The following RAP1GAP2 variants were observed in gnomAD, a reference collection of about 807,000 sequenced individuals.
The protein encoded by RAP1GAP2 is rap1 GTPase-activating protein 2.
RAP1GAP2 carries 27 observed loss-of-function variants against 95.0 expected under a neutral mutation model. The ratio of observed to expected loss-of-function variants is 0.28; its 90% confidence interval spans 0.21 to 0.39. The LOEUF is 0.39. Ranked by LOEUF, RAP1GAP2 falls within the 10% of genes least tolerant of loss-of-function variation. The pLI is 1.00. For synonymous variants in RAP1GAP2, 373 were observed against 380.9 expected (o/e 0.98, Z 0.24); for missense variants, 771 against 970.0 (o/e 0.79, Z 2.72).
At chr17:2,781,415 G>T (rs111835050) in intron 1 of RAP1GAP2, among the ~76,000 whole-genome samples, 3,165 of 152,354 alleles carry the variant, frequency 0.021, 99 homozygotes, top group African/African-American at 0.073. Context: ...TCTGTGCTTG[G>T]TGTGCACGTG....
rs766105287 is a variant in RAP1GAP2 at position 3,027,002 on chromosome 17, C to A, written c.2039C>A (p.Ser680Tyr). ...CAGGAGGTGTTTGTCTACAGCCCGT[C>A]CCCGAGCAGCGAGAGCCCCAGCCTG... ...FKQEVFVYSP[S>Y]PSSESPSLGA... Residue 680 changes from serine to tyrosine, a missense_variant, in exon 22 of 25, where the codon TCC becomes TAC. Physicochemically the swap from Ser to Tyr is moderately radical, Grantham distance 144. Transcript: ENST00000254695. The surrounding 1 kb of genome is among the most constrained non-coding windows in gnomAD (Gnocchi z 5.2). 1.9e-6 allele frequency: 3 copies of A among 1,563,020 alleles called. No individual in the cohort carries two copies. In the African/African-American group the frequency reaches 4.1e-5, roughly 21 times the overall value.
rs140816876 is a variant in RAP1GAP2 at position 3,003,808 on chromosome 17, G to T, written c.1201-1561G>T. Among the ~76,000 whole-genome samples the T allele has an allele frequency of 6.6e-6, 1 of 152,196 alleles. No homozygotes were observed. Among genetic ancestry groups the T allele is most frequent in the Non-Finnish European group, 1.5e-5 (1 of 68,040 alleles). ...AGGGGGGAACAACAAAGGCCTGGCC[G>T]CCTGGTTGGAATGGGGTCAAGAGAG... On this transcript the variant is annotated intron_variant, in intron 14 of 24. Coordinates refer to ENST00000254695, the MANE Select transcript of RAP1GAP2 (RefSeq NM_015085.5). This position sits in a 1 kb window ranked among gnomAD's most constrained non-coding sequence, Gnocchi z 4.1.
intron 2 of RAP1GAP2, among the ~76,000 whole-genome samples, chr17:2,812,499 C>T (rs888353383): frequency 2.6e-5 from 4 of 152,116 alleles, no homozygotes; most frequent in African/African-American, 7.2e-5. Context: ...GACGCTGGCC[C>T]GAAGGCAGAC....
chr17:2,992,629 C>T (rs1269524879), intron 12 of RAP1GAP2, among the ~76,000 whole-genome samples: 1 of 152,204 alleles, frequency 6.6e-6, no homozygotes, highest in African/African-American at 2.4e-5. Flanking sequence ...CAGAATTCTC[C>T]ATCCCAGCAG....
chr17:2,955,991 G>A (rs949191926), intron 3 of RAP1GAP2, among the ~76,000 whole-genome samples: 1 of 152,338 alleles, frequency 6.6e-6, no homozygotes, highest in Admixed American at 6.5e-5. Flanking sequence ...ATTGTTAGAC[G>A]TGGAATCGCG....
At chr17:2,830,222 G>A (rs2070763661) in intron 2 of RAP1GAP2, among the ~76,000 whole-genome samples, 2 of 151,542 alleles carry the variant, frequency 1.3e-5, no homozygotes, top group Admixed American at 6.6e-5. Flanking sequence ...GACCAGCCTG[G>A]CCAACATGGT....
At position 2,833,156 on chromosome 17, in the gene RAP1GAP2, T is replaced by C. The variant is rs1379514847; in HGVS notation, c.80+32606T>C. ...GGTTGTTCTTGATAATTTTTTTTTT[T>C]TTTTTAGATGGAGTCTTGCTCTGTC... On this transcript the variant is annotated intron_variant, in intron 2 of 24. Transcript: ENST00000254695. Among the ~76,000 whole-genome samples the C allele has an allele frequency of 5.9e-5, 9 of 151,582 alleles. No homozygotes were observed. In the East Asian group the frequency reaches 9.9e-4, roughly 17 times the overall value.
chr17:2,842,394 G>A (rs2071403962), intron 2 of RAP1GAP2, among the ~76,000 whole-genome samples: 1 of 152,006 alleles, frequency 6.6e-6, no homozygotes, highest in African/African-American at 2.4e-5. Context: ...GCCAGGCGTG[G>A]TGGCACATGC....
intron 2 of RAP1GAP2, among the ~76,000 whole-genome samples, chr17:2,814,007 G>A (rs890854998): frequency 1.7e-4 from 26 of 152,208 alleles, no homozygotes; most frequent in Admixed American, 1.4e-3. Flanking sequence ...GTCTCCAGAC[G>A]TTGCTCTATT....
At chr17:2,810,824 T>C (rs11657118) in intron 2 of RAP1GAP2, among the ~76,000 whole-genome samples, 64,146 of 151,816 alleles carry the variant, frequency 0.42, 13,976 homozygotes, top group Non-Finnish European at 0.49. Flanking sequence ...CCACCGCGCC[T>C]GGCCAACAAA....
chr17:2,985,539 T>C (rs978263789), intron 11 of RAP1GAP2, among the ~76,000 whole-genome samples: 6 of 152,222 alleles, frequency 3.9e-5, no homozygotes, highest in Non-Finnish European at 8.8e-5. Context: ...AAGTCAACCA[T>C]GGTGGAAGTA....
rs140727252 is a variant in RAP1GAP2, at chr17:2,940,099, G to A, written c.166-17660G>A. ...TTTTCGTGAGTGTCCCTGGGCTGTG[G>A]AGGGATGCCCGTCCAGGCCCTGCTG... is the stretch of plus-strand genomic sequence containing the variant. On this transcript the variant is annotated intron_variant, in intron 3 of 24. Transcript: ENST00000254695. Among the ~76,000 whole-genome samples the A allele has an allele frequency of 2.0e-5, 3 of 152,318 alleles. No individual in the cohort carries two copies. The East Asian group carries it at 5.8e-4, about 29-fold the overall frequency.
At chr17:2,900,464 G>A (rs899931108) in intron 2 of RAP1GAP2, among the ~76,000 whole-genome samples, 2 of 151,574 alleles carry the variant, frequency 1.3e-5, no homozygotes, top group African/African-American at 4.8e-5. Context: ...TTTTTGAGAC[G>A]GAGTTTCGCT....
At position 3,002,151 on chromosome 17, in the gene RAP1GAP2, C is replaced by T. The variant is rs373552780; in HGVS notation, c.1201-3218C>T. On this transcript the variant is annotated intron_variant, in intron 14 of 24. Coordinates refer to ENST00000254695, the MANE Select transcript of RAP1GAP2 (RefSeq NM_015085.5). Reference sequence around the variant, plus strand: ...CTAATTTTTGTATTTTTGGTAGAGACGGGGTTTCACCATGTTGGCCAGACC... The same window carrying T: ...CTAATTTTTGTATTTTTGGTAGAGATGGGGTTTCACCATGTTGGCCAGACC... Among the ~76,000 whole-genome samples, 16 of 152,172 alleles carry T rather than the reference C, an allele frequency of 1.1e-4. No individual in the cohort carries two copies. The East Asian group carries it at 1.9e-3, about 18-fold the overall frequency.
At chr17:2,939,659 G>A (rs1410934486) in intron 3 of RAP1GAP2, among the ~76,000 whole-genome samples, 3 of 152,180 alleles carry the variant, frequency 2.0e-5, no homozygotes, top group African/African-American at 7.2e-5. Flanking sequence ...CGGCCACGCG[G>A]GCCAGCAGTG....
intron 2 of RAP1GAP2, among the ~76,000 whole-genome samples, chr17:2,834,524 T>G (rs537291157): frequency 2.2e-4 from 34 of 152,150 alleles, no homozygotes; most frequent in Admixed American, 2.2e-3. Context: ...TTGGTCGAGG[T>G]GGTATCTCAC....
At chr17:2,772,784 C>T (rs2151436803), upstream of RAP1GAP2, among the ~76,000 whole-genome samples, 1 of 152,044 alleles carries the variant, frequency 6.6e-6, no homozygotes, top group South Asian at 2.1e-4. Flanking sequence ...TGCACACTGC[C>T]TCTCAGAGAA....
intron 2 of RAP1GAP2, among the ~76,000 whole-genome samples, chr17:2,840,674 G>A (rs528981294): frequency 6.6e-6 from 1 of 152,178 alleles, no homozygotes; most frequent in East Asian, 1.9e-4. Flanking sequence ...TTCTATTTAT[G>A]AGAAATGATT....
intron 3 of RAP1GAP2, among the ~76,000 whole-genome samples, chr17:2,923,779 A>G (rs1347914778): frequency 6.6e-6 from 1 of 152,252 alleles, no homozygotes; most frequent in Non-Finnish European, 1.5e-5. Flanking sequence ...AAATAAAAAA[A>G]TGAATAATGT....
Sources: allele counts gnomAD v4.1 joint callset (sites outside exome capture counted in the v4.1 genomes callset), GRCh38; gene constraint gnomAD v4.1.1; non-coding constraint Gnocchi (gnomAD v3.1); transcripts MANE v1.5; gene names NCBI Gene and HGNC (gene_info 2026-07-23, HGNC 2026-07-21).